The following BRAF variants were observed in gnomAD, a reference collection of about 807,000 sequenced individuals.
BRAF encodes B-Raf proto-oncogene, serine/threonine kinase.
A neutral mutation model predicts 104.6 loss-of-function variants in BRAF; 16 were observed. The observed-to-expected ratio is 0.15, with a 90% CI of 0.10 to 0.23. The LOEUF (loss-of-function observed/expected upper bound fraction) is 0.23. Ranked by LOEUF, BRAF falls within the 10% of genes least tolerant of loss-of-function variation. BRAF has a pLI of 1.00. For synonymous variants in BRAF, 310 were observed against 341.6 expected, an observed-to-expected ratio of 0.91 and a Z score of 1.02; for missense variants, 541 against 937.3, an observed-to-expected ratio of 0.58 and a Z score of 5.52.
chr7:140,800,024 A>G, intron 7 of BRAF: 1 of 405,598 alleles, frequency 2.5e-6, no homozygotes, highest in South Asian at 2.6e-5. Flanking sequence ...TTATTTGGGG[A>G]AAAGATCCTT....
chr7:140,777,971 A>G lies in BRAF; in HGVS notation c.1637+20T>C, dbSNP rs71645980. 773 of 1,610,182 alleles carry G rather than the reference A, an allele frequency of 4.8e-4. 2 individuals carry two copies. In the African/African-American group the frequency reaches 9.5e-3, roughly 20 times the overall value. On this transcript the variant is annotated intron_variant, in intron 13 of 19. Coordinates refer to ENST00000644969, the MANE Select transcript of BRAF (RefSeq NM_001374258.1). ...AAAATAACTTCTTTCTCTGGAAAAG[A>G]GTAATTCACACAAGCTCACCTGAGT... is the stretch of plus-strand genomic sequence containing the variant.
chr7:140,891,949 T>C (rs1677493164), intron 1 of BRAF, among the ~76,000 whole-genome samples: 1 of 152,164 alleles, frequency 6.6e-6, no homozygotes, highest in Non-Finnish European at 1.5e-5. Flanking sequence ...AGGAAGTTTA[T>C]ACAATTCTAA....
At chr7:140,753,148 C>G (rs1797918948) in intron 16 of BRAF, 127 bp downstream of exon 15, 1 of 717,142 alleles carries the variant, frequency 1.4e-6, no homozygotes, top group Non-Finnish European at 2.4e-6. Flanking sequence ...AAAATAAGAA[C>G]ACTGATTTTT....
chr7:140,783,201 G>A (rs1277392817), intron 10 of BRAF, 44 bp from the exon 10 acceptor site: 2 of 1,607,772 alleles, frequency 1.2e-6, no homozygotes, highest in Admixed American at 1.7e-5. Flanking sequence ...GGAGGAGCAA[G>A]TATGTTAATT....
At chr7:140,765,368 C>T (rs1402611536) in intron 14 of BRAF, among the ~76,000 whole-genome samples, 1 of 151,874 alleles carries the variant, frequency 6.6e-6, no homozygotes, top group Non-Finnish European at 1.5e-5. Context: ...CTAGGCATTA[C>T]CATTCAGGAC....
chr7:140,914,339 A>T (rs2129142369), intron 1 of BRAF, among the ~76,000 whole-genome samples: 1 of 152,326 alleles, frequency 6.6e-6, no homozygotes, highest in South Asian at 2.1e-4. Flanking sequence ...ATGTATAATG[A>T]AACTTATTTG....
intron 19 of BRAF, among the ~76,000 whole-genome samples, chr7:140,727,595 T>G (rs543382346): frequency 1.3e-5 from 2 of 152,170 alleles, no homozygotes; most frequent in Admixed American, 1.3e-4. Flanking sequence ...AACTGACAAT[T>G]AACAAAATTT....
At position 140,781,671 on chromosome 7, in the gene BRAF, G is replaced by A. The variant is rs2129023901; in HGVS notation, c.1457C>T (p.Ser486Leu). The A allele has an allele frequency of 1.9e-6, 3 of 1,613,800 alleles. No homozygotes were observed. Among genetic ancestry groups the A allele is most frequent in the Non-Finnish European group, 2.5e-6 (3 of 1,179,936 alleles). ...NRMKTLGRRD[S>L]SDDWEIPDGQ... ...ATCAGGAATCTCCCAATCATCACTCGAGTCCCGTCTACCAAGTGTTTTCTT... is the reference window on the plus strand; with the variant it reads ...ATCAGGAATCTCCCAATCATCACTCAAGTCCCGTCTACCAAGTGTTTTCTT... The change falls in exon 12 of 20, where the codon TCG (serine) becomes TTG (leucine). Residue 486 changes from serine to leucine, a missense_variant. Ser to Leu is a moderately radical substitution (Grantham distance 145). Coordinates refer to ENST00000644969, the MANE Select transcript of BRAF (RefSeq NM_001374258.1).
At chr7:140,848,483 C>T (rs1189096919) in intron 2 of BRAF, among the ~76,000 whole-genome samples, 1 of 152,182 alleles carries the variant, frequency 6.6e-6, no homozygotes, top group Non-Finnish European at 1.5e-5. Flanking sequence ...TGTTAGTGAT[C>T]AGTCTTCAAA....
At chr7:140,897,099 C>T (rs1322546344) in intron 1 of BRAF, among the ~76,000 whole-genome samples, 1 of 149,378 alleles carries the variant, frequency 6.7e-6, no homozygotes, top group Non-Finnish European at 1.5e-5. Context: ...ACTTAGAGGA[C>T]ATTGACAATC....
chr7:140,779,556 A>C (rs1734605459), intron 12 of BRAF, among the ~76,000 whole-genome samples: 1 of 152,206 alleles, frequency 6.6e-6, no homozygotes, highest in Non-Finnish European at 1.5e-5. Flanking sequence ...AAATCCTCCA[A>C]TAAGCATTTC....
intron 1 of BRAF, among the ~76,000 whole-genome samples, chr7:140,872,216 A>AAAAT (rs143275817): frequency 1.1e-3 from 149 of 130,222 alleles, no homozygotes; most frequent in East Asian, 5.9e-3. Context: ...ACTCCATCTC[A>AAAAT]AAATAAATAA....
chr7:140,795,335 G>C (rs1802392876), intron 7 of BRAF, among the ~76,000 whole-genome samples: 1 of 152,190 alleles, frequency 6.6e-6, no homozygotes. Context: ...TATCCTAGGA[G>C]TGGGGAAATG....
rs1187172619 is a variant in BRAF, at chr7:140,784,078, A to C, written c.1298-921T>G. On this transcript the variant is annotated intron_variant, in intron 10 of 19. Coordinates refer to ENST00000644969, the MANE Select transcript of BRAF (RefSeq NM_001374258.1). ...TGGGGCCTGAATACAGCTGAGTAGA[A>C]CTCAGATGTCCAGGCAATAGTTCTA... Among the ~76,000 whole-genome samples, 12 of 152,138 alleles carry C rather than the reference A, an allele frequency of 7.9e-5. 1 individual carries two copies. The highest frequency in any genetic ancestry group is 7.9e-4 in the Admixed American group (12 of 15,284).
intron 1 of BRAF, among the ~76,000 whole-genome samples, chr7:140,886,335 T>C (rs1050707625): frequency 2.0e-5 from 3 of 152,196 alleles, no homozygotes; most frequent in Non-Finnish European, 4.4e-5. Context: ...CATTCTGTAG[T>C]CAGAGTAGAA....
At chr7:140,780,682 T>C (rs959145344) in intron 12 of BRAF, 1 of 152,230 alleles carries the variant, frequency 6.6e-6, no homozygotes, top group Non-Finnish European at 1.5e-5. Context: ...CATGCCATTT[T>C]AACTCCTATA....
At chr7:140,774,112 G>A (rs1279722763) in intron 14 of BRAF, among the ~76,000 whole-genome samples, 1 of 151,330 alleles carries the variant, frequency 6.6e-6, no homozygotes, top group Non-Finnish European at 1.5e-5. Context: ...AAAACAAAAA[G>A]AGAAAAGAAA....
At chr7:140,883,283 C>A (rs558062389) in intron 1 of BRAF, among the ~76,000 whole-genome samples, 1 of 152,268 alleles carries the variant, frequency 6.6e-6, no homozygotes, top group South Asian at 2.1e-4. Flanking sequence ...TATTTAGTCA[C>A]ACCATATGAC....
intron 14 of BRAF, among the ~76,000 whole-genome samples, chr7:140,774,024 T>C (rs186174402): frequency 7.9e-5 from 12 of 152,134 alleles, no homozygotes; most frequent in Non-Finnish European, 1.5e-4. Flanking sequence ...ATAAGAGGAG[T>C]TTCAACCTGC....
Sources: allele counts gnomAD v4.1 joint callset (sites outside exome capture counted in the v4.1 genomes callset), GRCh38; gene constraint gnomAD v4.1.1; transcripts MANE v1.5; gene names NCBI Gene and HGNC (gene_info 2026-07-23, HGNC 2026-07-21).